Variants in OPCML observed in about 807,000 individuals in gnomAD.
OPCML encodes the protein opioid-binding protein/cell adhesion molecule.
Under a neutral mutation model 37.8 loss-of-function variants are expected in OPCML, and 13 were observed. That is an observed-to-expected ratio of 0.34 (90% confidence interval 0.22 to 0.55). OPCML has a LOEUF of 0.55. Ranked by LOEUF, OPCML falls within the 20% of genes least tolerant of loss-of-function variation. The pLI is 0.91. For synonymous variants in OPCML, 176 were observed against 168.8 expected (o/e 1.04, Z -0.33); for missense variants, 341 against 435.6 (o/e 0.78, Z 1.93).
intron 2 of OPCML, among the ~76,000 whole-genome samples, chr11:132,845,805 C>A (rs1201182812): frequency 2.0e-5 from 3 of 152,124 alleles, no homozygotes; most frequent in Non-Finnish European, 1.5e-5. Flanking sequence ...TCCCCTCCTA[C>A]ATTATTATTA....
At chr11:132,636,856 C>T (rs1196504035) in intron 3 of OPCML, among the ~76,000 whole-genome samples, 2 of 152,088 alleles carry the variant, frequency 1.3e-5, no homozygotes, top group South Asian at 2.1e-4. Flanking sequence ...AAATATTTTT[C>T]CCTTCTCTTG....
chr11:132,516,592 T>C (rs1234707697), intron 4 of OPCML, among the ~76,000 whole-genome samples: 1 of 152,302 alleles, frequency 6.6e-6, no homozygotes, highest in East Asian at 1.9e-4. Flanking sequence ...ATGCAAGGGA[T>C]ACTTTCTGGC....
chr11:133,014,274 T>G (rs1374221036), intron 1 of OPCML, among the ~76,000 whole-genome samples: 4 of 152,164 alleles, frequency 2.6e-5, no homozygotes, highest in Non-Finnish European at 5.9e-5. Context: ...ATTCCCTAAG[T>G]GGCTCTCGTG....
chr11:132,661,294 G>T (rs191008496), intron 2 of OPCML, among the ~76,000 whole-genome samples: 17 of 152,174 alleles, frequency 1.1e-4, no homozygotes, highest in Non-Finnish European at 2.4e-4. Flanking sequence ...TCACAAGTTT[G>T]TATGGTTCTC....
chr11:132,502,879 C>A (rs2096248583), intron 4 of OPCML, among the ~76,000 whole-genome samples: 1 of 152,186 alleles, frequency 6.6e-6, no homozygotes, highest in South Asian at 2.1e-4. Context: ...GATGATAACA[C>A]ACATACTTTT....
At chr11:133,468,208 C>T (rs1947020443) in intron 1 of OPCML, among the ~76,000 whole-genome samples, 1 of 152,306 alleles carries the variant, frequency 6.6e-6, no homozygotes, top group Non-Finnish European at 1.5e-5. Flanking sequence ...TGCTTGCTGC[C>T]ACCTCTCCAG....
intron 1 of OPCML, among the ~76,000 whole-genome samples, chr11:133,434,216 C>T (rs541865349): frequency 1.3e-5 from 2 of 152,264 alleles, no homozygotes; most frequent in African/African-American, 4.8e-5. Context: ...TCCTCACTCA[C>T]GTCTTCGCTT....
intron 2 of OPCML, among the ~76,000 whole-genome samples, chr11:132,786,656 A>G (rs572331591): frequency 6.6e-6 from 1 of 152,274 alleles, no homozygotes; most frequent in African/African-American, 2.4e-5. Flanking sequence ...ATAGATTTAG[A>G]TTGCTATAGT....
At chr11:132,605,471 G>A (rs1938224266) in intron 3 of OPCML, among the ~76,000 whole-genome samples, 1 of 152,066 alleles carries the variant, frequency 6.6e-6, no homozygotes, top group African/African-American at 2.4e-5. Flanking sequence ...GGCTGAGGTA[G>A]GAGAATAGCC....
chr11:132,880,434 T>C (rs1307955353), intron 2 of OPCML, among the ~76,000 whole-genome samples: 1 of 152,116 alleles, frequency 6.6e-6, no homozygotes, highest in Non-Finnish European at 1.5e-5. Context: ...ACAAAGATAC[T>C]CAGGGCTCAA....
chr11:133,087,469 C>T (rs1565440636), intron 1 of OPCML, among the ~76,000 whole-genome samples: 3 of 152,062 alleles, frequency 2.0e-5, no homozygotes. Flanking sequence ...TCCCCAGGGT[C>T]TACTGTTCCC....
At chr11:132,815,453 T>C (rs1479671401) in intron 2 of OPCML, among the ~76,000 whole-genome samples, 1 of 152,220 alleles carries the variant, frequency 6.6e-6, no homozygotes, top group African/African-American at 2.4e-5. Context: ...TGGGTGCCCT[T>C]CGCTCTTGGC....
At chr11:133,113,712 G>C (rs1949291083) in intron 1 of OPCML, among the ~76,000 whole-genome samples, 1 of 152,176 alleles carries the variant, frequency 6.6e-6, no homozygotes, top group South Asian at 2.1e-4. Flanking sequence ...AGTAAACAAA[G>C]CCTAAATAAA....
At position 132,834,971 on chromosome 11, in the gene OPCML, C is replaced by T. The variant is rs189932922; in HGVS notation, c.146+107955G>A. Among the ~76,000 whole-genome samples the T allele has an allele frequency of 2.4e-4, 35 of 143,358 alleles. No homozygotes were observed. The East Asian group carries it at 6.3e-3, about 26-fold the overall frequency. The allele number at this position is 143,358 out of a possible 152,430, so 94.0% of individuals were successfully genotyped here. A position where few individuals can be genotyped will look rare whatever the true frequency, so the allele number is the denominator to read the frequency against. On this transcript the variant is annotated intron_variant, in intron 2 of 7. Coordinates refer to ENST00000524381, the MANE Select transcript of OPCML (RefSeq NM_001012393.5). ...ATTAGCCCCTCAAGGCTAAGTCCCC[C>T]GGGTGGTGGCACTTTGTAAAAAAAA...
At chr11:133,105,035 G>T (rs1420472339) in intron 1 of OPCML, among the ~76,000 whole-genome samples, 2 of 152,086 alleles carry the variant, frequency 1.3e-5, no homozygotes, top group African/African-American at 2.4e-5. Context: ...GAATTGTTAG[G>T]CACATTAAGA....
chr11:133,025,726 A>ATTTTTTTTTTTTTTTTT (rs869296316), intron 1 of OPCML, among the ~76,000 whole-genome samples: 1 of 91,342 alleles, frequency 1.1e-5, no homozygotes, highest in African/African-American at 4.7e-5. Flanking sequence ...TGCCGATTTG[A>ATTTTTTTTTTTTTTTTT]TTTTTTTTTT....
chr11:132,818,660 A>ATATATATATATATATATATATATATATAT lies in OPCML; in HGVS notation c.146+124265_146+124266insATATATATATATATATATATATATATATA, dbSNP rs56858242. Among the ~76,000 whole-genome samples, 874 of 115,422 alleles carry ATATATATATATATATATATATATATATAT rather than the reference A, an allele frequency of 7.6e-3. 30 individuals carry two copies. The highest frequency in any genetic ancestry group is 0.01 in the African/African-American group (311 of 30,980). 75.7% of individuals were successfully genotyped at this position (115,422 alleles called of 152,430 possible). ...TAGATATGAGTGTATATATATATAT[A>ATATATATATATATATATATATATATATAT]GACAGATTATATTATATATAAAATC... On this transcript the variant is annotated intron_variant, in intron 2 of 7. Coordinates refer to ENST00000524381, the MANE Select transcript of OPCML (RefSeq NM_001012393.5).
At chr11:133,240,433 C>T (rs897241215) in intron 1 of OPCML, among the ~76,000 whole-genome samples, 48 of 152,030 alleles carry the variant, frequency 3.2e-4, no homozygotes, top group African/African-American at 9.7e-4. Flanking sequence ...TATTGTTCAC[C>T]GCACCAGACA....
chr11:133,473,164 C>G (rs1404389521), intron 1 of OPCML, among the ~76,000 whole-genome samples: 1 of 151,892 alleles, frequency 6.6e-6, no homozygotes, highest in Non-Finnish European at 1.5e-5. Context: ...TGGAACTTGA[C>G]TTTGACCTCC....
Sources: allele counts gnomAD v4.1 joint callset (sites outside exome capture counted in the v4.1 genomes callset), GRCh38; gene constraint gnomAD v4.1.1; transcripts MANE v1.5; gene names NCBI Gene and HGNC (gene_info 2026-07-23, HGNC 2026-07-21).